Variants in ATG10 observed in about 807,000 individuals in gnomAD.
ATG10 encodes ubiquitin-like-conjugating enzyme ATG10.
Under a neutral mutation model 32.1 loss-of-function variants are expected in ATG10, and 30 were observed. The ratio of observed to expected loss-of-function variants is 0.94; its 90% confidence interval spans 0.70 to 1.27. ATG10 has a LOEUF of 1.27. Ranked by LOEUF, ATG10 falls within the 50% of genes most tolerant of loss-of-function variation. The pLI is 0.00. For missense variants in ATG10, 233 were observed against 262.3 expected (o/e 0.89, Z 0.77); for synonymous variants, 87 against 91.5 (o/e 0.95, Z 0.28).
At chr5:82,132,252 T>TA (rs1766568977) in intron 3 of ATG10, among the ~76,000 whole-genome samples, 3 of 151,988 alleles carry the variant, frequency 2.0e-5, no homozygotes, top group Non-Finnish European at 4.4e-5. Flanking sequence ...TTATTATTAT[T>TA]TTTTTTTATT....
intron 3 of ATG10, among the ~76,000 whole-genome samples, chr5:82,137,272 C>A (rs764864997): frequency 8.6e-5 from 13 of 151,536 alleles, no homozygotes; most frequent in South Asian, 6.3e-4. Context: ...CAGTTGTGAT[C>A]CTTGAGAGGA....
At chr5:82,033,525 C>A (rs1762803047) in intron 2 of ATG10, among the ~76,000 whole-genome samples, 1 of 151,970 alleles carries the variant, frequency 6.6e-6, no homozygotes, top group African/African-American at 2.4e-5. Context: ...TCTTGAAGCA[C>A]CCTTCGCTTG....
chr5:82,094,119 A>C (rs1184608993), intron 3 of ATG10, among the ~76,000 whole-genome samples: 1 of 152,040 alleles, frequency 6.6e-6, no homozygotes, highest in Admixed American at 6.6e-5. Flanking sequence ...GGGAAGCCTT[A>C]TGGACTTTGC....
intron 3 of ATG10, among the ~76,000 whole-genome samples, chr5:82,110,450 C>T (rs1765582117): frequency 1.3e-5 from 2 of 152,174 alleles, no homozygotes. Context: ...TCCACATCCT[C>T]TCCAGCACCT....
At chr5:82,188,873 T>G (rs1744553972) in intron 5 of ATG10, among the ~76,000 whole-genome samples, 1 of 152,200 alleles carries the variant, frequency 6.6e-6, no homozygotes, top group African/African-American at 2.4e-5. Flanking sequence ...GCACATTATT[T>G]TCTTCCCACT....
intron 3 of ATG10, among the ~76,000 whole-genome samples, chr5:82,149,137 C>T (rs1767483911): frequency 6.6e-6 from 1 of 152,022 alleles, no homozygotes; most frequent in South Asian, 2.1e-4. Flanking sequence ...CTTTAGGACT[C>T]AGTTTGGGTA....
intron 3 of ATG10, among the ~76,000 whole-genome samples, chr5:82,105,080 G>A (rs566599894): frequency 1.3e-5 from 2 of 152,182 alleles, no homozygotes; most frequent in South Asian, 2.1e-4. Context: ...TCAACAAAGC[G>A]GGAGCCTGGT....
chr5:82,076,359 A>T (rs904245816), intron 3 of ATG10, among the ~76,000 whole-genome samples: 27 of 152,316 alleles, frequency 1.8e-4, no homozygotes, highest in African/African-American at 6.5e-4. Context: ...TAAAATTTTA[A>T]TGGCAATTTT....
chr5:82,212,503 T>C (rs1221325668), intron 5 of ATG10, among the ~76,000 whole-genome samples: 2 of 152,158 alleles, frequency 1.3e-5, no homozygotes, highest in African/African-American at 4.8e-5. Flanking sequence ...CAAACAAGTA[T>C]CTTAAATATT....
chr5:82,153,686 C>T (rs1339415538), intron 3 of ATG10, among the ~76,000 whole-genome samples: 1 of 152,210 alleles, frequency 6.6e-6, no homozygotes, highest in Admixed American at 6.5e-5. Flanking sequence ...TAAAATCTCA[C>T]AAACAAAATT....
intron 2 of ATG10, among the ~76,000 whole-genome samples, chr5:81,995,681 G>A (rs1761644432): frequency 6.6e-6 from 1 of 152,124 alleles, no homozygotes. Flanking sequence ...CTAAAGTACA[G>A]ACAAAAATGG....
At chr5:82,159,858 T>C (rs921110840) in intron 3 of ATG10, among the ~76,000 whole-genome samples, 2 of 152,188 alleles carry the variant, frequency 1.3e-5, no homozygotes, top group African/African-American at 4.8e-5. Context: ...CATTTTTTTA[T>C]TGAAATTTTT....
intron 4 of ATG10, among the ~76,000 whole-genome samples, chr5:82,168,202 G>A (rs1476932647): frequency 6.6e-6 from 1 of 151,346 alleles, no homozygotes; most frequent in Non-Finnish European, 1.5e-5. Context: ...TTTCCCTTTT[G>A]AGGGCTCAGC....
intron 1 of ATG10, among the ~76,000 whole-genome samples, chr5:81,983,440 G>A (rs1347662490): frequency 6.8e-6 from 1 of 147,872 alleles, no homozygotes; most frequent in African/African-American, 2.5e-5. Flanking sequence ...TCCCGGACGG[G>A]GTGGCTGGCC....
intron 3 of ATG10, among the ~76,000 whole-genome samples, chr5:82,138,882 T>TCC (rs1766900352): frequency 2.5e-5 from 1 of 39,878 alleles, no homozygotes; most frequent in African/African-American, 1.1e-4. Flanking sequence ...CCTCCCCCTC[T>TCC]CCCTCTCCCT....
At chr5:82,100,039 C>T (rs1258528468) in intron 3 of ATG10, among the ~76,000 whole-genome samples, 13 of 106,396 alleles carry the variant, frequency 1.2e-4, no homozygotes, top group South Asian at 1.0e-3. Context: ...GCTGGAGTCT[C>T]GCTCTGTTGC....
intron 2 of ATG10, among the ~76,000 whole-genome samples, chr5:82,029,634 A>G (rs1185946402): frequency 6.6e-6 from 1 of 152,198 alleles, no homozygotes; most frequent in Non-Finnish European, 1.5e-5. Flanking sequence ...CATGATGGGT[A>G]GATGTTGCAG....
chr5:82,068,931 T>G (rs920562749), intron 3 of ATG10, among the ~76,000 whole-genome samples: 4 of 151,262 alleles, frequency 2.6e-5, no homozygotes, highest in Non-Finnish European at 5.9e-5. Context: ...GATTTTTTTT[T>G]TTTTGAAGCC....
intron 5 of ATG10, among the ~76,000 whole-genome samples, chr5:82,238,412 T>A (rs913210007): frequency 2.0e-5 from 3 of 151,630 alleles, no homozygotes. Flanking sequence ...ATCTGCTTTT[T>A]CATTCAGGGG....
Sources: gnomAD v4.1 joint callset for allele counts (sites outside exome capture counted in the v4.1 genomes callset) on GRCh38, gnomAD v4.1.1 for gene constraint, MANE v1.5 for transcripts, NCBI Gene and HGNC (gene_info 2026-07-23, HGNC 2026-07-21) for gene names.